The following GRM5 variants were observed in gnomAD, a reference collection of about 807,000 sequenced individuals.
GRM5 encodes the protein metabotropic glutamate receptor 5.
Under a neutral mutation model 83.1 loss-of-function variants are expected in GRM5, and 19 were observed. The ratio of observed to expected loss-of-function variants is 0.23; its 90% CI spans 0.16 to 0.34. GRM5 has a LOEUF of 0.34. Among genes scored for constraint, GRM5 ranks in the 10% least tolerant of loss-of-function variants. The pLI, the probability that GRM5 is intolerant of heterozygous loss-of-function variation, is 1.00. For synonymous variants in GRM5, 675 were observed against 633.6 expected, an observed-to-expected ratio of 1.07 and a Z score of -0.98; for missense variants, 1,160 against 1,588.3, an observed-to-expected ratio of 0.73 and a Z score of 4.58.
chr11:88,864,029 C>A (rs1287929028), intron 2 of GRM5, among the ~76,000 whole-genome samples: 2 of 150,072 alleles, frequency 1.3e-5, no homozygotes, highest in Non-Finnish European at 3.0e-5. Flanking sequence ...ACTGTCATTT[C>A]TGTTTTGCTG....
At chr11:88,603,557 T>A (rs1591375707) in intron 5 of GRM5, among the ~76,000 whole-genome samples, 1 of 152,062 alleles carries the variant, frequency 6.6e-6, no homozygotes, top group East Asian at 1.9e-4. Flanking sequence ...AGCCAAAAAG[T>A]AGAAAACAAC....
intron 2 of GRM5, among the ~76,000 whole-genome samples, chr11:88,888,723 A>T (rs1261987235): frequency 6.6e-6 from 1 of 152,180 alleles, no homozygotes; most frequent in African/African-American, 2.4e-5. Flanking sequence ...GAAAAGTTTT[A>T]ATTAATGAGA....
At chr11:88,715,326 C>A (rs1001932954) in intron 3 of GRM5, among the ~76,000 whole-genome samples, 2 of 151,816 alleles carry the variant, frequency 1.3e-5, no homozygotes, top group Non-Finnish European at 2.9e-5. Flanking sequence ...AGGCATGGTG[C>A]ATGTGGGAAG....
At chr11:88,906,027 T>C (rs1431874359) in intron 2 of GRM5, among the ~76,000 whole-genome samples, 1 of 152,202 alleles carries the variant, frequency 6.6e-6, no homozygotes, top group African/African-American at 2.4e-5. Context: ...TCAAATTTAT[T>C]TAAGTACCCT....
intron 3 of GRM5, among the ~76,000 whole-genome samples, chr11:88,760,888 C>G (rs1435826950): frequency 6.6e-6 from 1 of 152,080 alleles, no homozygotes; most frequent in Non-Finnish European, 1.5e-5. Flanking sequence ...CTCTGGGCTG[C>G]AAGGTTGGTT....
At chr11:88,930,532 GT>G (rs945074625) in intron 2 of GRM5, among the ~76,000 whole-genome samples, 32 of 152,086 alleles carry the variant, frequency 2.1e-4, no homozygotes, top group Middle Eastern at 3.4e-3. Context: ...CAACTTCTTT[GT>G]TTTTTTGAGA....
chr11:88,616,859 G>A (rs1410917816), intron 4 of GRM5, among the ~76,000 whole-genome samples: 2 of 151,984 alleles, frequency 1.3e-5, no homozygotes, highest in East Asian at 3.9e-4. Context: ...TGTAACATTG[G>A]CGGTGATCTG....
rs145089143 is a variant in GRM5, at chr11:88,682,689, C to T, written c.912-29286G>A. ...ATTTTTCATATATCTGCCTATGATG[C>T]TTTGTTTATATTTCTGTTAATGCAG... On this transcript the variant is annotated intron_variant, in intron 3 of 9. Coordinates refer to ENST00000305447, the MANE Select transcript of GRM5 (RefSeq NM_001143831.3). Among the ~76,000 whole-genome samples the T allele has an allele frequency of 2.4e-3, 365 of 152,124 alleles. 1 individual carries two copies. Among genetic ancestry groups the T allele is most frequent in the African/African-American group, 7.4e-3 (306 of 41,510 alleles).
chr11:88,767,922 T>C (rs527763765), intron 3 of GRM5, among the ~76,000 whole-genome samples: 36 of 151,928 alleles, frequency 2.4e-4, no homozygotes, highest in Non-Finnish European at 4.7e-4. Flanking sequence ...AGCAACACTA[T>C]AAAAAGAAAA....
chr11:89,024,580 C>T (rs1341480048), intron 2 of GRM5, among the ~76,000 whole-genome samples: 4 of 152,144 alleles, frequency 2.6e-5, no homozygotes, highest in African/African-American at 7.2e-5. Flanking sequence ...TATATCTTAT[C>T]ACCTCTTTAG....
At chr11:88,880,655 C>A (rs1190061680) in intron 2 of GRM5, among the ~76,000 whole-genome samples, 1 of 152,114 alleles carries the variant, frequency 6.6e-6, no homozygotes, top group Non-Finnish European at 1.5e-5. Context: ...TCCCACAAAA[C>A]CATTTGACTT....
chr11:88,859,836 C>T (rs1033265584), intron 2 of GRM5, among the ~76,000 whole-genome samples: 3 of 152,022 alleles, frequency 2.0e-5, no homozygotes, highest in Non-Finnish European at 2.9e-5. Flanking sequence ...GCTTAATTTC[C>T]AAAAGATTAC....
chr11:89,036,234 G>A (rs2135132546), intron 2 of GRM5, among the ~76,000 whole-genome samples: 1 of 152,110 alleles, frequency 6.6e-6, no homozygotes, highest in African/African-American at 2.4e-5. Flanking sequence ...CCAATTGGAG[G>A]AGGAAAGCGT....
intron 3 of GRM5, among the ~76,000 whole-genome samples, chr11:88,673,151 C>T (rs11020897): frequency 0.018 from 2,721 of 151,970 alleles, 64 homozygotes; most frequent in East Asian, 0.096. Flanking sequence ...TGGATTTAAA[C>T]GTTTTCCATT....
At chr11:88,688,160 A>G (rs747418299) in intron 3 of GRM5, among the ~76,000 whole-genome samples, 2 of 152,172 alleles carry the variant, frequency 1.3e-5, no homozygotes, top group East Asian at 1.9e-4. Context: ...GTGAAGCTCT[A>G]TAAAGATCTT....
At chr11:88,665,058 T>A (rs140680911) in intron 3 of GRM5, among the ~76,000 whole-genome samples, 117 of 152,106 alleles carry the variant, frequency 7.7e-4, no homozygotes, top group African/African-American at 2.7e-3. Context: ...AATCTAGACA[T>A]TAAAACTGAA....
At chr11:88,731,113 C>CA (rs1189679203) in intron 3 of GRM5, among the ~76,000 whole-genome samples, 8 of 152,044 alleles carry the variant, frequency 5.3e-5, no homozygotes, top group Non-Finnish European at 1.0e-4. Flanking sequence ...CTATTATCCA[C>CA]AAAAAATGCC....
chr11:88,761,939 T>G (rs935980281), intron 3 of GRM5, among the ~76,000 whole-genome samples: 1 of 151,942 alleles, frequency 6.6e-6, no homozygotes, highest in Non-Finnish European at 1.5e-5. Flanking sequence ...AAAAAAGTAA[T>G]GGAGAAAGGA....
At chr11:88,650,646 G>T (rs1939607098) in intron 4 of GRM5, among the ~76,000 whole-genome samples, 1 of 151,980 alleles carries the variant, frequency 6.6e-6, no homozygotes, top group Non-Finnish European at 1.5e-5. Context: ...GTAGTGGGTA[G>T]TGAATATTTG....
Sources: gnomAD v4.1 joint callset for allele counts (sites outside exome capture counted in the v4.1 genomes callset) on GRCh38, gnomAD v4.1.1 for gene constraint, MANE v1.5 for transcripts, NCBI Gene and HGNC (gene_info 2026-07-23, HGNC 2026-07-21) for gene names.